The following EYS variants were observed in gnomAD, a reference collection of about 807,000 sequenced individuals.
EYS encodes the protein protein eyes shut homolog.
Under a neutral mutation model 282.1 loss-of-function variants are expected in EYS, and 250 were observed. The observed-to-expected ratio is 0.89, with a 90% CI of 0.80 to 0.98. EYS has a LOEUF of 0.98. Ranked by LOEUF, EYS falls within the 50% of genes least tolerant of loss-of-function variation. The pLI, the probability that EYS is intolerant of heterozygous loss-of-function variation, is 0.00. For missense variants in EYS, 4,016 were observed against 3,709.0 expected, an observed-to-expected ratio of 1.08 and a Z score of -2.15; for synonymous variants, 1,355 against 1,282.9, an observed-to-expected ratio of 1.06 and a Z score of -1.20.
At chr6:65,314,560 TGGTGTGTG>T (rs1314402974) in intron 11 of EYS, among the ~76,000 whole-genome samples, 11 of 87,552 alleles carry the variant, frequency 1.3e-4, no homozygotes, top group African/African-American at 5.4e-4. Context: ...CTTCCCCTTA[TGGTGTGTG>T]TGTGTGTGTG....
chr6:64,038,309 G>A (rs76200941), intron 33 of EYS, among the ~76,000 whole-genome samples: 2 of 151,988 alleles, frequency 1.3e-5, no homozygotes, highest in Non-Finnish European at 1.5e-5. Flanking sequence ...GCTAAGGAAT[G>A]CCTACTAAAT....
chr6:64,735,342 A>C (rs9354089), intron 22 of EYS, among the ~76,000 whole-genome samples: 133,900 of 152,196 alleles, frequency 0.88, 59,018 homozygotes, highest in African/African-American at 0.93. Context: ...CTTGGCCTCC[A>C]AGAGTGCTGG....
intron 15 of EYS, among the ~76,000 whole-genome samples, chr6:64,924,455 C>T (rs79937032): frequency 0.026 from 4,023 of 152,248 alleles, 173 homozygotes; most frequent in African/African-American, 0.091. Context: ...CCATGGTCTT[C>T]GGCATTAACA....
At chr6:64,632,483 T>C (rs1039137883) in intron 22 of EYS, among the ~76,000 whole-genome samples, 1 of 151,970 alleles carries the variant, frequency 6.6e-6, no homozygotes, top group Non-Finnish European at 1.5e-5. Context: ...TTTGCCTTGT[T>C]TTTACATAAG....
rs183436921 is a variant in EYS, at chr6:63,925,533, G to A, written c.7055+58850C>T. On this transcript the variant is annotated intron_variant, in intron 35 of 42. Transcript: ENST00000503581. ...TTGGCATTGTGCTTTTTCTGTTGTT[G>A]TTGATTTTACTTTAAGTTCCAGGAT... Among the ~76,000 whole-genome samples the A allele has an allele frequency of 1.6e-3, 242 of 152,228 alleles. 1 individual carries two copies. The highest frequency in any genetic ancestry group is 1.6e-3 in the Non-Finnish European group (108 of 68,016).
chr6:64,347,812 A>G (rs1206618279), intron 29 of EYS, among the ~76,000 whole-genome samples: 1 of 151,166 alleles, frequency 6.6e-6, no homozygotes, highest in African/African-American at 2.4e-5. Flanking sequence ...AACTCACTCA[A>G]CTGTGTCGTG....
At chr6:64,431,934 T>C (rs1003086098) in intron 28 of EYS, among the ~76,000 whole-genome samples, 1 of 152,168 alleles carries the variant, frequency 6.6e-6, no homozygotes, top group African/African-American at 2.4e-5. Context: ...TTGGTACATG[T>C]CAGTCTTCTA....
At chr6:64,750,339 G>T (rs924743657) in intron 22 of EYS, among the ~76,000 whole-genome samples, 4 of 146,264 alleles carry the variant, frequency 2.7e-5, no homozygotes, top group African/African-American at 1.0e-4. Context: ...TGAGAATAAA[G>T]AATAAATGAA....
chr6:65,234,740 T>C (rs1766880993), intron 12 of EYS, among the ~76,000 whole-genome samples: 1 of 152,158 alleles, frequency 6.6e-6, no homozygotes, highest in Non-Finnish European at 1.5e-5. Flanking sequence ...TTAGCAGGCA[T>C]AAATATGTAC....
At chr6:64,685,373 TG>T (rs1351247581) in intron 22 of EYS, among the ~76,000 whole-genome samples, 3 of 152,204 alleles carry the variant, frequency 2.0e-5, no homozygotes. Context: ...TGCTATCATT[TG>T]TATGTTTGTC....
chr6:64,690,473 A>G (rs1770338263), intron 22 of EYS, among the ~76,000 whole-genome samples: 1 of 152,190 alleles, frequency 6.6e-6, no homozygotes, highest in African/African-American at 2.4e-5. Flanking sequence ...AGATCCTATT[A>G]TTGGGTATAT....
At chr6:65,673,804 C>T (rs900906858) in intron 1 of EYS, among the ~76,000 whole-genome samples, 8 of 151,960 alleles carry the variant, frequency 5.3e-5, no homozygotes, top group South Asian at 2.1e-4. Context: ...AAGATATAAC[C>T]GCGGTGGCCT....
At chr6:65,280,946 G>C (rs936224371) in intron 12 of EYS, among the ~76,000 whole-genome samples, 6 of 144,336 alleles carry the variant, frequency 4.2e-5, no homozygotes, top group Non-Finnish European at 7.5e-5. Context: ...TGAGACAGGA[G>C]AATCGCTTGA....
At chr6:65,101,670 G>A (rs750302266) in intron 12 of EYS, among the ~76,000 whole-genome samples, 10 of 151,194 alleles carry the variant, frequency 6.6e-5, no homozygotes. Flanking sequence ...GGACCAAATT[G>A]CAGAGTACCT....
At chr6:64,978,216 A>C (rs1045493970) in intron 14 of EYS, among the ~76,000 whole-genome samples, 1 of 151,876 alleles carries the variant, frequency 6.6e-6, no homozygotes, top group South Asian at 2.1e-4. Context: ...GGATGATGCA[A>C]TTTGTGACTT....
chr6:63,730,846 C>G (rs1031084456), intron 41 of EYS, among the ~76,000 whole-genome samples: 1 of 151,956 alleles, frequency 6.6e-6, no homozygotes, highest in Admixed American at 6.6e-5. Context: ...ATGATGAAAC[C>G]CCGTCTCTAC....
chr6:64,564,033 C>T (rs1189117230), intron 26 of EYS, among the ~76,000 whole-genome samples: 1 of 151,844 alleles, frequency 6.6e-6, no homozygotes, highest in East Asian at 1.9e-4. Flanking sequence ...CATATCTTAG[C>T]TATTGTGAAT....
At chr6:65,109,386 C>T (rs1196106493) in intron 12 of EYS, among the ~76,000 whole-genome samples, 2 of 151,846 alleles carry the variant, frequency 1.3e-5, no homozygotes, top group African/African-American at 2.4e-5. Flanking sequence ...TGTTGTTTCT[C>T]TTGTTATAGT....
chr6:65,428,304 T>C (rs1469666504), intron 5 of EYS, among the ~76,000 whole-genome samples: 1 of 152,114 alleles, frequency 6.6e-6, no homozygotes, highest in East Asian at 1.9e-4. Context: ...AAAAGCAATG[T>C]TAAAAAGTGA....
Sources: gnomAD v4.1 joint callset for allele counts (sites outside exome capture counted in the v4.1 genomes callset) on GRCh38, gnomAD v4.1.1 for gene constraint, MANE v1.5 for transcripts, NCBI Gene and HGNC (gene_info 2026-07-23, HGNC 2026-07-21) for gene names.